EFHC2: variants seen among roughly 807,000 people sequenced by gnomAD.
EFHC2 encodes the protein EF-hand domain containing 2, also known as EF-hand domain-containing family member C2.
Under a neutral mutation model 52.7 loss-of-function variants are expected in EFHC2, and 18 were observed. The ratio of observed to expected loss-of-function variants is 0.34; its 90% confidence interval spans 0.24 to 0.51. The LOEUF is 0.51. EFHC2 is among the 20% of genes least tolerant of loss of function. The pLI, the probability that EFHC2 is intolerant of heterozygous loss-of-function variation, is 0.97. For missense variants in EFHC2, 513 were observed against 562.5 expected (o/e 0.91, Z 0.89); for synonymous variants, 203 against 204.1 (o/e 0.99, Z 0.04).
intron 1 of EFHC2, among the ~76,000 whole-genome samples, chrX:44,341,373 TTGAGA>T (rs2038150538): frequency 1.8e-5 from 2 of 112,430 alleles, no homozygotes; most frequent in Non-Finnish European, 3.8e-5. Flanking sequence ...CATGCAGTAT[TTGAGA>T]TATGTATTTT....
intron 14 of EFHC2, among the ~76,000 whole-genome samples, chrX:44,153,968 G>A (rs919085030): frequency 3.6e-5 from 4 of 112,555 alleles, no homozygotes; most frequent in South Asian, 3.7e-4. Context: ...GAATAACTGC[G>A]TGGTACTTTT....
intron 14 of EFHC2, among the ~76,000 whole-genome samples, chrX:44,156,938 G>A (rs1250352541): frequency 9.0e-6 from 1 of 111,243 alleles, no homozygotes; most frequent in East Asian, 2.8e-4. Context: ...AATGGAGTGA[G>A]AGTTAAATTA....
chrX:44,158,757 C>G (rs1234125149), intron 14 of EFHC2, among the ~76,000 whole-genome samples: 3 of 111,301 alleles, frequency 2.7e-5, no homozygotes, highest in African/African-American at 9.8e-5. Flanking sequence ...AGTTCCCTAC[C>G]ATGAATAGAA....
Position 44,258,573 on chromosome X carries a change from T to C in EFHC2, c.606+2502A>G, listed in dbSNP as rs1324561581. Among the ~76,000 whole-genome samples, 4 of 110,533 alleles carry C rather than the reference T, an allele frequency of 3.6e-5. No individual in the cohort carries two copies. In the East Asian group the frequency reaches 8.5e-4, roughly 24 times the overall value. ...AGAGAAATGCAAATCAAAACCACAATAAGATACCATCTCACGCCAGTTAGA... is the reference window on the plus strand; with the variant it reads ...AGAGAAATGCAAATCAAAACCACAACAAGATACCATCTCACGCCAGTTAGA... On this transcript the variant is annotated intron_variant, in intron 4 of 14. Coordinates refer to ENST00000420999, the MANE Select transcript of EFHC2 (RefSeq NM_025184.4).
At chrX:44,206,858 A>G (rs1022612328) in intron 11 of EFHC2, among the ~76,000 whole-genome samples, 4 of 111,735 alleles carry the variant, frequency 3.6e-5, no homozygotes, top group African/African-American at 1.3e-4. Context: ...GAAAAAACAC[A>G]TTTCTAAAAT....
chrX:44,294,008 C>T (rs909873079), intron 2 of EFHC2, among the ~76,000 whole-genome samples: 1 of 112,229 alleles, frequency 8.9e-6, no homozygotes, highest in Non-Finnish European at 1.9e-5. Flanking sequence ...ATCCAGCCTG[C>T]ACATGTGCCA....
chrX:44,260,893 A>AGTC (rs777669661), intron 4 of EFHC2, among the ~76,000 whole-genome samples, 182 bp downstream of exon 4: 1 of 112,123 alleles, frequency 8.9e-6, no homozygotes, highest in Admixed American at 9.4e-5. Context: ...GCAGTGAGGA[A>AGTC]GTCATTCTTG....
chrX:44,325,099 T>TA (rs2038044141), intron 1 of EFHC2, among the ~76,000 whole-genome samples: 1 of 111,629 alleles, frequency 9.0e-6, no homozygotes, highest in South Asian at 3.8e-4. Flanking sequence ...TTTGCACTAT[T>TA]AGAGTATTAG....
intron 4 of EFHC2, among the ~76,000 whole-genome samples, chrX:44,259,287 T>G (rs2037519105): frequency 9.1e-6 from 1 of 109,618 alleles, no homozygotes; most frequent in African/African-American, 3.3e-5. Flanking sequence ...CTCAGCAAAC[T>G]AACACAGGAA....
chrX:44,319,118 C>T (rs1478715300), intron 1 of EFHC2, among the ~76,000 whole-genome samples: 1 of 108,902 alleles, frequency 9.2e-6, no homozygotes, highest in Non-Finnish European at 1.9e-5. Flanking sequence ...ATTCTCCTGC[C>T]TCAGCCTCCC....
chrX:44,255,982 G>A (rs1311005900), intron 4 of EFHC2, among the ~76,000 whole-genome samples: 2 of 111,749 alleles, frequency 1.8e-5, no homozygotes, highest in African/African-American at 3.3e-5. Context: ...ACTCAAAACC[G>A]CACAATTGCA....
intron 3 of EFHC2, among the ~76,000 whole-genome samples, chrX:44,271,989 C>A (rs1443080875): frequency 4.5e-5 from 5 of 112,123 alleles, no homozygotes. Flanking sequence ...TAGTTGCTGT[C>A]CCCTGAAGTC....
intron 8 of EFHC2, among the ~76,000 whole-genome samples, chrX:44,241,142 C>T (rs1257141392): frequency 1.8e-5 from 2 of 111,322 alleles, no homozygotes; most frequent in Admixed American, 1.9e-4. Context: ...CCCAGAATCT[C>T]CTTATCCATT....
intron 2 of EFHC2, among the ~76,000 whole-genome samples, chrX:44,278,227 T>C (rs763140179): frequency 1.8e-5 from 2 of 111,339 alleles, no homozygotes; most frequent in South Asian, 3.8e-4. Context: ...ACACAAAAAA[T>C]AGCCAGGCAC....
At chrX:44,187,241 A>G (rs1423784658) in intron 11 of EFHC2, among the ~76,000 whole-genome samples, 1 of 105,083 alleles carries the variant, frequency 9.5e-6, no homozygotes, top group Non-Finnish European at 1.9e-5. Flanking sequence ...GAAAAGAAAA[A>G]CCATACACAC....
intron 11 of EFHC2, among the ~76,000 whole-genome samples, chrX:44,187,979 T>TC (rs1456943268): frequency 1.6e-3 from 164 of 105,457 alleles, no homozygotes; most frequent in African/African-American, 5.4e-3. Flanking sequence ...TGTTTTTTTT[T>TC]TTTCTTTCTT....
Position 44,317,241 on chromosome X carries a change from T to A in EFHC2, c.43-4485A>T, listed in dbSNP as rs181184782. On this transcript the variant is annotated intron_variant, in intron 1 of 14. Transcript: ENST00000420999. ...GTTCATATTATTACTAACAGGCTTCTGATGTACCTAATCACAATAAACACT... is the reference window on the plus strand; with the variant it reads ...GTTCATATTATTACTAACAGGCTTCAGATGTACCTAATCACAATAAACACT... 1.2e-3 allele frequency among the ~76,000 whole-genome samples: 134 copies of A among 111,370 alleles called. 1 individual carries two copies. Among genetic ancestry groups the A allele is most frequent in the African/African-American group, 4.1e-3 (127 of 30,673 alleles).
At chrX:44,251,926 C>T (rs919852202) in intron 4 of EFHC2, among the ~76,000 whole-genome samples, 4 of 110,887 alleles carry the variant, frequency 3.6e-5, no homozygotes, top group African/African-American at 1.3e-4. Context: ...TGTTTGACTC[C>T]GTATTAATTA....
rs201214215 is a variant in EFHC2 at position 44,181,282 on chromosome X, TA to T, written c.1752-2719del. On this transcript the variant is annotated intron_variant, in intron 11 of 14. Transcript: ENST00000420999. Reference sequence around the variant, plus strand: ...TATCCTGAATGGTTGAGATGTCTTTTAAAAAAAAGTATTTCCATTTTTTCTG... The same window carrying T: ...TATCCTGAATGGTTGAGATGTCTTTTAAAAAAAGTATTTCCATTTTTTCTG... Among the ~76,000 whole-genome samples, 619 of 109,931 alleles carry T rather than the reference TA, an allele frequency of 5.6e-3. 27 individuals carry two copies. The East Asian group carries it at 0.15, about 27-fold the overall frequency.
Sources: gnomAD v4.1 joint callset for allele counts (sites outside exome capture counted in the v4.1 genomes callset) on GRCh38, gnomAD v4.1.1 for gene constraint, MANE v1.5 for transcripts, NCBI Gene and HGNC (gene_info 2026-07-23, HGNC 2026-07-21) for gene names.